BRSK2: variants seen among roughly 807,000 people sequenced by gnomAD.
BRSK2 encodes BR serine/threonine kinase 2.
Under a neutral mutation model 83.3 loss-of-function variants are expected in BRSK2, and 19 were observed. That is an observed-to-expected ratio of 0.23 (90% CI 0.16 to 0.33). BRSK2 has a LOEUF of 0.33. Among genes scored for constraint, BRSK2 ranks in the 10% least tolerant of loss-of-function variants. The probability of loss-of-function intolerance (pLI) is 1.00; values close to 1 mark genes in which losing one functional copy is unlikely to be tolerated. For missense variants in BRSK2, 798 were observed against 1,042.3 expected (o/e 0.77, Z 3.23); for synonymous variants, 519 against 435.4 (o/e 1.19, Z -2.39).
chr11:1,445,675 G>A lies in BRSK2; in HGVS notation c.1075+7G>A. The A allele has an allele frequency of 1.2e-6, 2 of 1,608,664 alleles. No homozygotes were observed. The highest frequency in any genetic ancestry group is 1.7e-6 in the Non-Finnish European group (2 of 1,178,046). ...CCCCCCCGGAACGAGATAGGTATGG[G>A]TCCAGGGGTGGCCTCCAGCCCGGCC... On this transcript the variant is annotated splice_region_variant and intron_variant, in intron 11 of 19. Transcript: ENST00000528841.
chr11:1,393,537 C>T (rs1235204054), intron 1 of BRSK2, among the ~76,000 whole-genome samples: 2 of 152,210 alleles, frequency 1.3e-5, no homozygotes, highest in Non-Finnish European at 2.9e-5. Context: ...TGCAGCTCAC[C>T]TGGCAGTGTT....
chr11:1,448,433 C>T (rs542190448), intron 12 of BRSK2, among the ~76,000 whole-genome samples: 1 of 152,218 alleles, frequency 6.6e-6, no homozygotes, highest in Non-Finnish European at 1.5e-5. Context: ...ACTCTGCCTG[C>T]CCTGGCTGCC....
chr11:1,450,559 A>G (rs1284265926), intron 13 of BRSK2, 28 bp from the exon 14 acceptor site: 1 of 1,393,064 alleles, frequency 7.2e-7, no homozygotes, highest in South Asian at 1.3e-5. Flanking sequence ...GGATTGAACC[A>G]AACACCAAAT....
intron 1 of BRSK2, among the ~76,000 whole-genome samples, chr11:1,393,807 T>C (rs962692394): frequency 2.6e-5 from 4 of 152,112 alleles, no homozygotes; most frequent in Non-Finnish European, 4.4e-5. Flanking sequence ...GGGGTCTGTT[T>C]AGAAAGTTGA....
At chr11:1,394,947 C>T (rs1050940809) in intron 1 of BRSK2, among the ~76,000 whole-genome samples, 42 of 148,166 alleles carry the variant, frequency 2.8e-4, no homozygotes, top group African/African-American at 9.2e-4. Flanking sequence ...GGAGATGGGT[C>T]CTGGAGATGG....
chr11:1,395,296 A>C (rs1845999881), intron 1 of BRSK2, among the ~76,000 whole-genome samples: 1 of 152,188 alleles, frequency 6.6e-6, no homozygotes, highest in Non-Finnish European at 1.5e-5. Flanking sequence ...CCGGGGAGCC[A>C]GCATGGTGGG....
At chr11:1,439,344 G>C (rs1850821399) in intron 3 of BRSK2, among the ~76,000 whole-genome samples, 1 of 152,162 alleles carries the variant, frequency 6.6e-6, no homozygotes, top group Non-Finnish European at 1.5e-5. Flanking sequence ...AGGAAACCCA[G>C]GGTTGGGGTG....
intron 15 of BRSK2, among the ~76,000 whole-genome samples, chr11:1,453,030 G>C (rs1435446555): frequency 6.6e-6 from 1 of 152,252 alleles, no homozygotes; most frequent in Non-Finnish European, 1.5e-5. Flanking sequence ...CTAGCTGGAA[G>C]CCCAGGCAGT....
chr11:1,425,808 C>T (rs892235756), intron 1 of BRSK2, among the ~76,000 whole-genome samples: 2 of 152,196 alleles, frequency 1.3e-5, no homozygotes, highest in Non-Finnish European at 2.9e-5. Context: ...CCAGGTGGCA[C>T]TCCAGGCCGT....
At position 1,438,506 on chromosome 11, in the gene BRSK2, A is replaced by G; in HGVS notation, c.272+115A>G. ...GCTGGAGGCCAGGGGCGCCTGCTGCATCCCAGCAGCCCTGGCCCTGCTAGC... is the reference window on the plus strand; with the variant it reads ...GCTGGAGGCCAGGGGCGCCTGCTGCGTCCCAGCAGCCCTGGCCCTGCTAGC... On this transcript the variant is annotated intron_variant, in intron 3 of 19. Coordinates refer to ENST00000528841, the MANE Select transcript of BRSK2 (RefSeq NM_001256627.2). This position sits in a 1 kb window ranked among gnomAD's most constrained non-coding sequence, Gnocchi z 6.4. 4.4e-6 allele frequency: 4 copies of G among 913,774 alleles called. No homozygotes were observed. The South Asian group carries it at 4.5e-5, about 10-fold the overall frequency. 56.6% of individuals were successfully genotyped at this position (913,774 alleles called of 1,614,324 possible).
At chr11:1,414,165 C>T (rs1358103152) in intron 1 of BRSK2, among the ~76,000 whole-genome samples, 2 of 152,350 alleles carry the variant, frequency 1.3e-5, no homozygotes, top group East Asian at 3.9e-4. Context: ...AGGATTTGTG[C>T]TGGTCAAAAA....
At chr11:1,456,841 C>G (rs1590703980) in intron 18 of BRSK2, 154 bp downstream of exon 18, 1 of 1,355,036 alleles carries the variant, frequency 7.4e-7, no homozygotes, top group East Asian at 2.5e-5. Context: ...TGGCTGCACC[C>G]CTCAGGGAGC....
At chr11:1,458,803 G>A (rs558837484) in intron 18 of BRSK2, among the ~76,000 whole-genome samples, 1 of 152,308 alleles carries the variant, frequency 6.6e-6, no homozygotes, top group East Asian at 1.9e-4. Flanking sequence ...GGAAGCCACA[G>A]GGCCCTGGAG....
chr11:1,397,979 C>T (rs558289448), intron 1 of BRSK2, among the ~76,000 whole-genome samples: 2 of 152,338 alleles, frequency 1.3e-5, no homozygotes, highest in East Asian at 1.9e-4. Context: ...CTGGCCTTCC[C>T]GGCCCCGGGC....
chr11:1,451,225 C>T, intron 14 of BRSK2, 146 bp from the exon 15 acceptor site: 2 of 900,542 alleles, frequency 2.2e-6, no homozygotes, highest in Non-Finnish European at 3.4e-6. Flanking sequence ...TGGCCGGGAG[C>T]TGGGGTGGAC....
chr11:1,458,433 C>A (rs1462064010), intron 18 of BRSK2, among the ~76,000 whole-genome samples: 1 of 152,136 alleles, frequency 6.6e-6, no homozygotes, highest in Admixed American at 6.5e-5. Flanking sequence ...CCCGTGATCT[C>A]GCTACGCCCA....
At chr11:1,455,665 C>G (rs1846425081) in intron 16 of BRSK2, among the ~76,000 whole-genome samples, 1 of 152,098 alleles carries the variant, frequency 6.6e-6, no homozygotes, top group Admixed American at 6.5e-5. Context: ...CCCGTCCCCA[C>G]AGGCTGCTCA....
At chr11:1,400,302 C>T (rs538059789) in intron 1 of BRSK2, among the ~76,000 whole-genome samples, 35 of 152,266 alleles carry the variant, frequency 2.3e-4, no homozygotes, top group African/African-American at 7.7e-4. Context: ...CCCGGAGGCC[C>T]GGGCATGGGG....
intron 5 of BRSK2, 116 bp downstream of exon 5, chr11:1,442,722 G>A (rs1851512596): frequency 3.6e-6 from 3 of 834,690 alleles, no homozygotes; most frequent in Non-Finnish European, 5.8e-6. Flanking sequence ...CCACAGGCAG[G>A]CCCCCCACAA....
Sources: allele counts gnomAD v4.1 joint callset (sites outside exome capture counted in the v4.1 genomes callset), GRCh38; gene constraint gnomAD v4.1.1; non-coding constraint Gnocchi (gnomAD v3.1); transcripts MANE v1.5; gene names NCBI Gene and HGNC (gene_info 2026-07-23, HGNC 2026-07-21).